The following RBFOX1 variants were observed in gnomAD, a reference collection of about 807,000 sequenced individuals.
RBFOX1 encodes RNA binding fox-1 homolog 1, also known as RNA binding protein fox-1 homolog 1.
Under a neutral mutation model 57.7 loss-of-function variants are expected in RBFOX1, and 8 were observed. The observed-to-expected ratio is 0.14, with a 90% CI of 0.08 to 0.25. The LOEUF is 0.25. Ranked by LOEUF, RBFOX1 falls within the 10% of genes least tolerant of loss-of-function variation. The probability of loss-of-function intolerance (pLI) is 1.00; values close to 1 mark genes in which losing one functional copy is unlikely to be tolerated. For synonymous variants in RBFOX1, 326 were observed against 222.4 expected (o/e 1.47, Z -4.15); for missense variants, 611 against 548.5 (o/e 1.11, Z -1.14).
intron 4 of RBFOX1, among the ~76,000 whole-genome samples, chr16:7,254,992 T>C (rs1483958425): frequency 6.6e-6 from 1 of 152,114 alleles, no homozygotes; most frequent in African/African-American, 2.4e-5. Context: ...TTTTCTTGAG[T>C]TTTATTTGCT....
At chr16:6,906,848 G>A (rs943338746) in intron 3 of RBFOX1, among the ~76,000 whole-genome samples, 3 of 151,276 alleles carry the variant, frequency 2.0e-5, no homozygotes, top group African/African-American at 7.3e-5. Flanking sequence ...TCAGCCTCCT[G>A]AGTAGCTGAG....
chr16:6,712,436 C>G (rs1436750334), intron 3 of RBFOX1, among the ~76,000 whole-genome samples: 1 of 152,082 alleles, frequency 6.6e-6, no homozygotes, highest in Non-Finnish European at 1.5e-5. Flanking sequence ...CAGAGTTTTA[C>G]TGTGTACCAT....
At chr16:6,916,117 A>C (rs549020739) in intron 3 of RBFOX1, among the ~76,000 whole-genome samples, 1 of 152,134 alleles carries the variant, frequency 6.6e-6, no homozygotes, top group Non-Finnish European at 1.5e-5. Context: ...TGTGTACAAG[A>C]CAACTGAAGG....
intron 4 of RBFOX1, among the ~76,000 whole-genome samples, chr16:7,380,380 T>C (rs2097765068): frequency 6.6e-6 from 1 of 152,244 alleles, no homozygotes. Flanking sequence ...TATACACATT[T>C]AGAACATATA....
chr16:5,355,871 G>A (rs1012842710), intron 1 of RBFOX1, among the ~76,000 whole-genome samples: 15 of 152,202 alleles, frequency 9.9e-5, no homozygotes, highest in Admixed American at 2.6e-4. Flanking sequence ...CAGGTGAATC[G>A]CCTGAGACTA....
chr16:6,726,986 T>C (rs922900679), intron 3 of RBFOX1, among the ~76,000 whole-genome samples: 1 of 150,884 alleles, frequency 6.6e-6, no homozygotes, highest in Non-Finnish European at 1.5e-5. Context: ...TGGGAGGCAG[T>C]GCAGACCCAG....
chr16:5,466,153 G>A (rs954674122), intron 1 of RBFOX1, among the ~76,000 whole-genome samples: 1 of 152,244 alleles, frequency 6.6e-6, no homozygotes, highest in Admixed American at 6.5e-5. Context: ...CGGCAGAAGC[G>A]CAAGCTTGCG....
At chr16:7,152,017 A>G (rs1317961862) in intron 4 of RBFOX1, among the ~76,000 whole-genome samples, 8 of 152,196 alleles carry the variant, frequency 5.3e-5, no homozygotes, top group African/African-American at 1.2e-4. Context: ...GACTGGTACT[A>G]GGCCATCGCC....
chr16:6,637,169 ATATAT>A lies in RBFOX1; in HGVS notation c.-63-17433_-63-17429del, dbSNP rs1430313265. Among the ~76,000 whole-genome samples, 449 of 64,980 alleles carry A rather than the reference ATATAT, an allele frequency of 6.9e-3. 67 individuals are homozygous for A. The highest frequency in any genetic ancestry group is 0.033 in the African/African-American group (389 of 11,956). The allele number at this position is 64,980 out of a possible 152,430, so 42.6% of individuals were successfully genotyped here. A position where few individuals can be genotyped will look rare whatever the true frequency, so the allele number is the denominator to read the frequency against. On this transcript the variant is annotated intron_variant, in intron 2 of 15. Transcript: ENST00000550418. Reference sequence around the variant, plus strand: ...TAATATACAATATATATTATATATTATATATATTATATAATATACAATATATATTA... The same window carrying A: ...TAATATACAATATATATTATATATTAATTATATAATATACAATATATATTA...
At chr16:6,602,096 T>C (rs184307240) in intron 2 of RBFOX1, among the ~76,000 whole-genome samples, 1 of 152,194 alleles carries the variant, frequency 6.6e-6, no homozygotes, top group Non-Finnish European at 1.5e-5. Context: ...CCTAAGTTGT[T>C]TATTGGCCAT....
intron 2 of RBFOX1, among the ~76,000 whole-genome samples, chr16:6,636,398 C>T (rs865888943): frequency 6.6e-6 from 1 of 152,170 alleles, no homozygotes; most frequent in African/African-American, 2.4e-5. Context: ...TCTCGATCTC[C>T]TGACTTCGTG....
At chr16:7,084,812 A>G (rs1228295669) in intron 4 of RBFOX1, among the ~76,000 whole-genome samples, 1 of 152,110 alleles carries the variant, frequency 6.6e-6, no homozygotes, top group Non-Finnish European at 1.5e-5. Flanking sequence ...CCCCTCTCTC[A>G]TGTCTGTCTG....
At chr16:6,711,816 C>G (rs2063766124) in intron 3 of RBFOX1, among the ~76,000 whole-genome samples, 1 of 152,168 alleles carries the variant, frequency 6.6e-6, no homozygotes, top group African/African-American at 2.4e-5. Context: ...TCTATTTCCT[C>G]TACCTGGAGA....
chr16:5,806,095 G>A (rs2055216659), intron 3 of RBFOX1, among the ~76,000 whole-genome samples: 1 of 152,126 alleles, frequency 6.6e-6, no homozygotes, highest in African/African-American at 2.4e-5. Context: ...AAAAAAATGG[G>A]AGGGCCTCTC....
At chr16:6,559,107 A>T (rs74008207) in intron 2 of RBFOX1, among the ~76,000 whole-genome samples, 1,369 of 108,952 alleles carry the variant, frequency 0.013, 23 homozygotes, top group African/African-American at 0.055. Context: ...GTTTATATAT[A>T]CATATGTGTG....
intron 2 of RBFOX1, among the ~76,000 whole-genome samples, chr16:6,430,833 G>A (rs968507343): frequency 2.6e-5 from 4 of 151,976 alleles, no homozygotes; most frequent in African/African-American, 9.7e-5. Flanking sequence ...AGGGAGACTA[G>A]TCAAGAAGTT....
chr16:6,456,398 T>G (rs2153055499), intron 2 of RBFOX1, among the ~76,000 whole-genome samples: 1 of 152,278 alleles, frequency 6.6e-6, no homozygotes, highest in South Asian at 2.1e-4. Flanking sequence ...TGTTCTGAAG[T>G]TCTGGGCTCA....
chr16:6,717,640 G>A (rs1199807882), intron 3 of RBFOX1, among the ~76,000 whole-genome samples: 1 of 150,834 alleles, frequency 6.6e-6, no homozygotes, highest in Non-Finnish European at 1.5e-5. Context: ...ATCCTGGATC[G>A]ACTCTCTGTC....
At chr16:6,733,612 G>A (rs1336205343) in intron 3 of RBFOX1, among the ~76,000 whole-genome samples, 1 of 152,142 alleles carries the variant, frequency 6.6e-6, no homozygotes, top group Non-Finnish European at 1.5e-5. Context: ...ACAGGAAGTA[G>A]CCAGGGGTGG....
Sources: gnomAD v4.1 joint callset for allele counts (sites outside exome capture counted in the v4.1 genomes callset) on GRCh38, gnomAD v4.1.1 for gene constraint, MANE v1.5 for transcripts, NCBI Gene and HGNC (gene_info 2026-07-23, HGNC 2026-07-21) for gene names.